The following LENG8 variants were observed in gnomAD, a reference collection of about 807,000 sequenced individuals.
LENG8 encodes leukocyte receptor cluster member 8, also known as leukocyte receptor cluster (LRC) member 8.
LENG8 carries 28 observed loss-of-function variants against 102.1 expected under a neutral mutation model. The observed-to-expected ratio is 0.27, with a 90% CI of 0.20 to 0.38. The LOEUF (loss-of-function observed/expected upper bound fraction) is 0.38, where lower values mean the gene tolerates loss of function less well. Ranked by LOEUF, LENG8 falls within the 10% of genes least tolerant of loss-of-function variation. The pLI is 1.00. For synonymous variants in LENG8, 531 were observed against 456.7 expected (o/e 1.16, Z -2.07); for missense variants, 1,022 against 1,113.9 (o/e 0.92, Z 1.17).
intron 6 of LENG8, 74 bp from the exon 7 acceptor site, chr19:54,454,877 A>T (rs2084141524): frequency 6.3e-7 from 1 of 1,586,454 alleles, no homozygotes; most frequent in Admixed American, 1.7e-5. Context: ...CTGCATTTCC[A>T]CTTCCTCCCG....
At chr19:54,460,612 T>G in intron 15 of LENG8, 154 bp from the exon 16 acceptor site, 8 of 1,394,816 alleles carry the variant, frequency 5.7e-6, no homozygotes, top group East Asian at 5.4e-5. Context: ...CCCGAGCCCC[T>G]GAGGTGGGGA....
At chr19:54,458,830 G>T in intron 15 of LENG8, 1 of 1,550,872 alleles carries the variant, frequency 6.4e-7, no homozygotes, top group Non-Finnish European at 8.7e-7. Flanking sequence ...GGACCCCCTA[G>T]TTCACTCCTT....
intron 13 of LENG8, 25 bp from the exon 14 acceptor site, chr19:54,458,078 C>G: frequency 6.2e-7 from 1 of 1,612,228 alleles, no homozygotes; most frequent in Non-Finnish European, 8.5e-7. Flanking sequence ...CTCTGCTCTC[C>G]TCCCTCGGTG....
At chr19:54,453,238 G>A (rs929450763) in intron 4 of LENG8, among the ~76,000 whole-genome samples, 1 of 152,158 alleles carries the variant, frequency 6.6e-6, no homozygotes, top group African/African-American at 2.4e-5. Context: ...GATGTCTCCA[G>A]CCGGACATGT....
chr19:54,455,757 C>A lies in LENG8; in HGVS notation c.1025+190C>A, dbSNP rs546396898. 2.0e-5 allele frequency among the ~76,000 whole-genome samples: 3 copies of A among 152,164 alleles called. No individual in the cohort carries two copies. The East Asian group carries it at 5.8e-4, about 29-fold the overall frequency. On this transcript the variant is annotated intron_variant, in intron 8 of 15. Transcript: ENST00000326764. Reference sequence around the variant, plus strand: ...TGGGGTGGGGTGGGGACCATGGGTGCTGGAGAGGCGTGCATTGCTCAGTGG... The same window carrying A: ...TGGGGTGGGGTGGGGACCATGGGTGATGGAGAGGCGTGCATTGCTCAGTGG...
rs1600019666 is a variant in LENG8, at chr19:54,461,063, C to T, written c.*135C>T. On this transcript the variant is annotated 3_prime_UTR_variant, in exon 16 of 16. Coordinates refer to ENST00000326764, the MANE Select transcript of LENG8 (RefSeq NM_052925.4). ...GCTCCAGGAAGAGCCACCATCCCTG[C>T]CCCCGTTTTCCCACCGGGGAGTCTG... The T allele has an allele frequency of 2.4e-6, 3 of 1,272,736 alleles. No individual in the cohort carries two copies. Among genetic ancestry groups the T allele is most frequent in the East Asian group, 2.5e-5 (1 of 39,588 alleles). 78.8% of individuals were successfully genotyped at this position (1,272,736 alleles called of 1,614,324 possible).
intron 15 of LENG8, chr19:54,458,898 C>G (rs1007889272): frequency 3.2e-6 from 5 of 1,544,398 alleles, no homozygotes; most frequent in Admixed American, 3.9e-5. Context: ...CGCTGTGCTC[C>G]CACCATAGAG....
rs1012966647 is a variant in LENG8, at chr19:54,449,833, G to C, written c.-56+523G>C. ...GTCCTCTGTCCAGCCCCCAACTCCT[G>C]ACCTTACCTCTAATCTCCCTTCTGC... On this transcript the variant is annotated intron_variant, in intron 1 of 15. Transcript: ENST00000326764. 3 of 152,538 alleles carry C rather than the reference G, an allele frequency of 2.0e-5. No individual in the cohort carries two copies. The East Asian group carries it at 5.8e-4, about 29-fold the overall frequency. 9.4% of individuals were successfully genotyped at this position (152,538 alleles called of 1,614,324 possible). A position where few individuals can be genotyped will look rare whatever the true frequency, so the allele number is the denominator to read the frequency against.
rs189245081 is a variant in LENG8, at chr19:54,461,342, C to T, written c.*414C>T. The T allele has an allele frequency of 5.9e-4, 268 of 456,626 alleles. No homozygotes were observed. The highest frequency in any genetic ancestry group is 9.4e-4 in the Non-Finnish European group (215 of 228,102). The allele number at this position is 456,626 out of a possible 1,614,324, so 28.3% of individuals were successfully genotyped here. On this transcript the variant is annotated 3_prime_UTR_variant, in exon 16 of 16. Transcript: ENST00000326764. ...AGGCCGTCCAGCCCGTGCCCGCCTG[C>T]GGCGGGGGCACCCAGCAAGCCCGCC...
intron 4 of LENG8, 130 bp downstream of exon 4, chr19:54,452,882 A>G: frequency 1.5e-6 from 1 of 689,074 alleles, no homozygotes; most frequent in Non-Finnish European, 2.6e-6. Flanking sequence ...AACTGCTCAG[A>G]AACCCTCTAA....
rs2084575678 is a variant in LENG8 at position 54,461,759 on chromosome 19, T to C, written c.*831T>C. 1 of 548,788 alleles carries C rather than the reference T, an allele frequency of 1.8e-6. No individual in the cohort carries two copies. The highest frequency in any genetic ancestry group is 3.6e-6 in the Non-Finnish European group (1 of 278,224). 34.0% of individuals were successfully genotyped at this position (548,788 alleles called of 1,614,324 possible). On this transcript the variant is annotated 3_prime_UTR_variant, in exon 16 of 16. Transcript: ENST00000326764. ...GCCTTCTCTTTTCTTTGTGTGTGTGTTTATTTAAGTTATTTTTCTTCCTCC... is the reference window on the plus strand; with the variant it reads ...GCCTTCTCTTTTCTTTGTGTGTGTGCTTATTTAAGTTATTTTTCTTCCTCC...
chr19:54,450,461 T>C (rs1015654828), intron 1 of LENG8, among the ~76,000 whole-genome samples: 1 of 152,138 alleles, frequency 6.6e-6, no homozygotes, highest in Non-Finnish European at 1.5e-5. Flanking sequence ...TTCTCCAATA[T>C]TCTTCCAGCC....
At chr19:54,455,864 G>T in intron 8 of LENG8, 103 bp from the exon 9 acceptor site, 2 of 1,282,958 alleles carry the variant, frequency 1.6e-6, no homozygotes, top group Non-Finnish European at 1.1e-6. Context: ...TGGGGTAAGT[G>T]CCTTTCCTTT....
chr19:54,452,038 C>G, intron 2 of LENG8, 55 bp from the exon 3 acceptor site: 6 of 1,528,804 alleles, frequency 3.9e-6, no homozygotes, highest in South Asian at 1.2e-5. Context: ...CCCAACTTGC[C>G]CACCTGTGTA....
Position 54,460,895 on chromosome 19 carries a change from C to T in LENG8, c.2370C>T (p.Cys790=), listed in dbSNP as rs372491197. ...YTGPDNSSID[C]RLSLAQLSAF The stretch of plus-strand genomic sequence containing the variant: ...GCCCGGACAACTCCAGCATCGACTG[C>T]CGCCTCAGCCTGGCGCAGCTGTCAG... Residue 790 remains cysteine, a synonymous_variant, in exon 16 of 16, where the codon TGC becomes TGT. Coordinates refer to ENST00000326764, the MANE Select transcript of LENG8 (RefSeq NM_052925.4). 56 of 1,553,440 alleles carry T rather than the reference C, an allele frequency of 3.6e-5. No individual in the cohort carries two copies. The African/African-American group carries it at 7.1e-4, about 20-fold the overall frequency.
chr19:54,449,359 T>C (rs920180115), intron 1 of LENG8, 49 bp downstream of exon 1: 3 of 152,198 alleles, frequency 2.0e-5, no homozygotes, highest in Non-Finnish European at 4.4e-5. Context: ...CATCTCCTTT[T>C]GGTCTTGCGC....
chr19:54,461,068 GT>G lies in LENG8; in HGVS notation c.*144del. The G allele has an allele frequency of 7.9e-7, 1 of 1,269,154 alleles. No homozygotes were observed. Among genetic ancestry groups the G allele is most frequent in the Non-Finnish European group, 1.1e-6 (1 of 913,692 alleles). The allele number at this position is 1,269,154 out of a possible 1,614,324, so 78.6% of individuals were successfully genotyped here. On this transcript the variant is annotated 3_prime_UTR_variant, in exon 16 of 16. Coordinates refer to ENST00000326764, the MANE Select transcript of LENG8 (RefSeq NM_052925.4). Reference sequence around the variant, plus strand: ...AGGAAGAGCCACCATCCCTGCCCCCGTTTTCCCACCGGGGAGTCTGTACAGA... The same window carrying G: ...AGGAAGAGCCACCATCCCTGCCCCCGTTTCCCACCGGGGAGTCTGTACAGA...
Position 54,452,270 on chromosome 19 carries a change from G to A in LENG8, c.213+3G>A. The A allele has an allele frequency of 6.2e-7, 1 of 1,603,084 alleles. No individual in the cohort carries two copies. The highest frequency in any genetic ancestry group is 8.5e-7 in the Non-Finnish European group (1 of 1,172,354). On this transcript the variant is annotated splice_donor_region_variant and intron_variant, in intron 3 of 15. Transcript: ENST00000326764. ...ATGGGCCTGTGGCCAGTGCACAGGT[G>A]AGAAGGCCTCATGGGGCTGGGGTAC...
In LENG8 at chr19:54,452,666, G is replaced by A. The variant is rs764418968; in HGVS notation, c.229G>A (p.Glu77Lys). The change falls in exon 4 of 16, where the codon GAA becomes AAA. Residue 77 changes from glutamate (E) to lysine (K), a missense_variant. This residue lies in a region of LENG8 where 343 missense variants were observed against 320.2 expected (regional missense o/e 1.07). Coordinates refer to ENST00000326764, the MANE Select transcript of LENG8 (RefSeq NM_052925.4). Reference sequence around the variant, plus strand: ...GCTTCCACAGTACGTGTCCCAGGCAGAAGCCTCAGCTTTGCAGCAGCAGCA... The same window carrying A: ...GCTTCCACAGTACGTGTCCCAGGCAAAAGCCTCAGCTTTGCAGCAGCAGCA... ...VASAQYVSQAEASALQQQQYY... is the reference protein window; with the variant it reads ...VASAQYVSQAKASALQQQQYY... 6.2e-7 allele frequency: 1 copy of A among 1,613,970 alleles called. No homozygotes were observed. The highest frequency in any genetic ancestry group is 1.1e-5 in the South Asian group (1 of 91,082).
Sources: gnomAD v4.1 joint callset for allele counts (sites outside exome capture counted in the v4.1 genomes callset) on GRCh38, gnomAD v4.1.1 for gene constraint, gnomAD v4.1.1 regional missense constraint, MANE v1.5 for transcripts, NCBI Gene and HGNC (gene_info 2026-07-23, HGNC 2026-07-21) for gene names.